Variants in DISP2 observed in about 807,000 individuals in gnomAD.
The protein encoded by DISP2 is dispatched RND transporter family member 2.
Under a neutral mutation model 95.5 loss-of-function variants are expected in DISP2, and 59 were observed. The observed-to-expected ratio is 0.62, with a 90% CI of 0.50 to 0.77. DISP2 has a LOEUF of 0.77. DISP2 is among the 30% of genes least tolerant of loss of function. DISP2 has a pLI of 0.00. For missense variants in DISP2, 1,752 were observed against 1,854.6 expected (o/e 0.94, Z 1.02); for synonymous variants, 827 against 815.0 (o/e 1.01, Z -0.25).
rs34475634 is a variant in DISP2, at chr15:40,367,078, C to T, written c.966C>T (p.Phe322=). The change falls in exon 8 of 8, where the codon TTC becomes TTT. Residue 322 remains phenylalanine (F), a synonymous_variant. Coordinates refer to ENST00000267889, the MANE Select transcript of DISP2 (RefSeq NM_033510.3). ...TACAGATCCGCTCCCATACCAGCTT[C>T]GGGGCTCTGTGCCAGCGGACAGCAG... ...EQDQIRSHTS[F]GALCQRTAAN... is the part of the protein sequence containing the mutation. 4.2e-4 allele frequency: 681 copies of T among 1,611,390 alleles called. 5 individuals are homozygous for T. Among genetic ancestry groups the T allele is most frequent in the South Asian group, 3.8e-3 (347 of 91,076 alleles).
Position 40,367,228 on chromosome 15 carries a change from C to T in DISP2, c.1116C>T (p.Ala372=), listed in dbSNP as rs543415716. 5.0e-6 allele frequency: 8 copies of T among 1,614,022 alleles called. No individual in the cohort carries two copies. In the South Asian group the frequency reaches 7.7e-5, roughly 16 times the overall value. ...CACTGGCCCTGCTTCGGACCTGTGC[C>T]CTCTACTACCACAGTGGCGCCTTGG... is the stretch of plus-strand genomic sequence containing the variant. The part of the protein sequence containing the change: ...ARTLALLRTC[A]LYYHSGALVP... Residue 372 remains alanine (A), a synonymous_variant, in exon 8 of 8, where the codon GCC becomes GCT. Coordinates refer to ENST00000267889, the MANE Select transcript of DISP2 (RefSeq NM_033510.3).
At chr15:40,364,370 G>T in intron 3 of DISP2, 51 bp from the exon 4 acceptor site, 1 of 1,613,226 alleles carries the variant, frequency 6.2e-7, no homozygotes, top group Non-Finnish European at 8.5e-7. Context: ...CCTGAGCTCA[G>T]CACCCGTTGC....
At position 40,373,039 on chromosome 15, in the gene DISP2, A is replaced by G. The variant is rs1159302150; in HGVS notation, c.*2721A>G. 2 of 152,230 alleles carry G rather than the reference A, an allele frequency of 1.3e-5. No individual in the cohort carries two copies. Among genetic ancestry groups the G allele is most frequent in the Non-Finnish European group, 2.9e-5 (2 of 68,054 alleles). The allele number at this position is 152,230 out of a possible 1,614,324, so 9.4% of individuals were successfully genotyped here. The stretch of plus-strand genomic sequence containing the variant: ...CATTACCTTATACCTAGAATGGCCC[A>G]AACCAACAGCAGGCAATCCACATCA... On this transcript the variant is annotated 3_prime_UTR_variant, in exon 8 of 8. Coordinates refer to ENST00000267889, the MANE Select transcript of DISP2 (RefSeq NM_033510.3).
At position 40,368,320 on chromosome 15, in the gene DISP2, C is replaced by T; in HGVS notation, c.2208C>T (p.Gly736=). Residue 736 remains glycine (G), a synonymous_variant, in exon 8 of 8, where the codon GGC becomes GGT. Transcript: ENST00000267889. The stretch of plus-strand genomic sequence containing the variant: ...GGCTGCCCACGCTGCCGCCGCCCGG[C>T]GGCCAGGTCTTCCGGCCCAGCCACC... ...RLRLPTLPPP[G]GQVFRPSHPF... The T allele has an allele frequency of 3.7e-6, 6 of 1,603,424 alleles. No homozygotes were observed. Among genetic ancestry groups the T allele is most frequent in the Non-Finnish European group, 5.1e-6 (6 of 1,176,626 alleles).
rs1447673694 is a variant in DISP2, at chr15:40,373,099, T to G, written c.*2781T>G. The G allele has an allele frequency of 6.6e-6, 1 of 152,204 alleles. No homozygotes were observed. The highest frequency in any genetic ancestry group is 2.4e-5 in the African/African-American group (1 of 41,432). The allele number at this position is 152,204 out of a possible 1,614,324, so 9.4% of individuals were successfully genotyped here. A position where few individuals can be genotyped will look rare whatever the true frequency, so the allele number is the denominator to read the frequency against. On this transcript the variant is annotated 3_prime_UTR_variant, in exon 8 of 8. Transcript: ENST00000267889. ...CCAGCCTGCCTCTCTAGCCCTGACT[T>G]TGGAATGTGGAACTTAAAGCACTTC... is the stretch of plus-strand genomic sequence containing the variant.
At chr15:40,364,322 G>C in intron 3 of DISP2, 67 bp downstream of exon 3, 2 of 1,613,752 alleles carry the variant, frequency 1.2e-6, no homozygotes, top group Non-Finnish European at 1.7e-6. Context: ...CCTGTTCCCC[G>C]TGCTCTCTGC....
chr15:40,359,008 C>T (rs1234383780), intron 1 of DISP2, among the ~76,000 whole-genome samples: 2 of 152,218 alleles, frequency 1.3e-5, no homozygotes, highest in African/African-American at 2.4e-5. Flanking sequence ...CTGGCTGGAG[C>T]CGCTAAGATG....
chr15:40,358,488 C>T (rs1889356021), intron 1 of DISP2, 48 bp downstream of exon 1: 1 of 1,204,708 alleles, frequency 8.3e-7, no homozygotes, highest in Non-Finnish European at 1.0e-6. Flanking sequence ...CTCCCAGACC[C>T]TCCCCGCCCC....
chr15:40,368,408 G>A lies in DISP2; in HGVS notation c.2296G>A (p.Glu766Lys), dbSNP rs1215869946. The change falls in exon 8 of 8, where the codon GAG (glutamate) becomes AAG (lysine). Residue 766 changes from glutamate (E) to lysine (K), a missense_variant. This residue lies in a region of DISP2 where 732 missense variants were observed against 714.6 expected (regional missense o/e 1.02). Transcript: ENST00000267889. The part of the protein sequence containing the change: ...LFLFEQLPQG[E>K]GGHMPVVLVW... Reference sequence around the variant, plus strand: ...CCTGTTCGAGCAGCTGCCGCAGGGCGAGGGCGGCCACATGCCCGTGGTTTT... The same window carrying A: ...CCTGTTCGAGCAGCTGCCGCAGGGCAAGGGCGGCCACATGCCCGTGGTTTT... The A allele has an allele frequency of 6.2e-7, 1 of 1,608,738 alleles. No homozygotes were observed.
rs1392711378 is a variant in DISP2 at position 40,369,673 on chromosome 15, C to T, written c.3561C>T (p.His1187=). 1.2e-6 allele frequency: 2 copies of T among 1,612,172 alleles called. No homozygotes were observed. Among genetic ancestry groups the T allele is most frequent in the Non-Finnish European group, 1.7e-6 (2 of 1,179,992 alleles). ...GCACAGCCACCAGCAAGCTGTCCCACCGGCCCTCAGTACTCTCTGAGGATC... is the reference window on the plus strand; with the variant it reads ...GCACAGCCACCAGCAAGCTGTCCCATCGGCCCTCAGTACTCTCTGAGGATC... The part of the protein sequence containing the change: ...DTSTATSKLS[H]RPSVLSEDLQ... The change falls in exon 8 of 8, where the codon CAC becomes CAT. Residue 1187 remains histidine (H), a synonymous_variant. Coordinates refer to ENST00000267889, the MANE Select transcript of DISP2 (RefSeq NM_033510.3).
At position 40,377,161 on chromosome 15, in the gene DISP2, A is replaced by G. The variant is rs1889740298; in HGVS notation, c.*6843A>G. On this transcript the variant is annotated 3_prime_UTR_variant, in exon 8 of 8. Coordinates refer to ENST00000267889, the MANE Select transcript of DISP2 (RefSeq NM_033510.3). Reference sequence around the variant, plus strand: ...AACATGGTGAAACCTCATCTCTACTAAAAATACAAAAAAATAGCTGGGCGT... The same window carrying G: ...AACATGGTGAAACCTCATCTCTACTGAAAATACAAAAAAATAGCTGGGCGT... 6.6e-6 allele frequency: 1 copy of G among 152,154 alleles called. No homozygotes were observed. Among genetic ancestry groups the G allele is most frequent in the Non-Finnish European group, 1.5e-5 (1 of 68,098 alleles). The allele number at this position is 152,154 out of a possible 1,614,324, so 9.4% of individuals were successfully genotyped here.
rs1217135330 is a variant in DISP2 at position 40,372,508 on chromosome 15, CAAGATAAGT to C, written c.*2193_*2201del. 2.0e-5 allele frequency: 3 copies of C among 152,142 alleles called. No homozygotes were observed. The highest frequency in any genetic ancestry group is 4.4e-5 in the Non-Finnish European group (3 of 68,028). The allele number at this position is 152,142 out of a possible 1,614,324, so 9.4% of individuals were successfully genotyped here. A position where few individuals can be genotyped will look rare whatever the true frequency, so the allele number is the denominator to read the frequency against. On this transcript the variant is annotated 3_prime_UTR_variant, in exon 8 of 8. Transcript: ENST00000267889. The stretch of plus-strand genomic sequence containing the variant: ...ACGGCAGGATACCTTGGCTCCTTTG[CAAGATAAGT>C]AAATCAAGATGAGTAACTCCTGACA...
At position 40,369,203 on chromosome 15, in the gene DISP2, G is replaced by A. The variant is rs772299438; in HGVS notation, c.3091G>A (p.Asp1031Asn). The change falls in exon 8 of 8, where the codon GAC becomes AAC. Residue 1031 changes from aspartate (D) to asparagine (N), a missense_variant. Physicochemically the swap from Asp to Asn is conservative, Grantham distance 23. Transcript: ENST00000267889. The part of the protein sequence containing the change: ...FLSASVGLSV[D>N]FTVNYCISYH... ...CTCTGCCTCAGTGGGCCTCTCAGTA[G>A]ACTTCACTGTCAACTACTGCATCTC... The A allele has an allele frequency of 6.2e-7, 1 of 1,613,922 alleles. No homozygotes were observed. The highest frequency in any genetic ancestry group is 1.7e-5 in the Admixed American group (1 of 60,030).
At position 40,377,284 on chromosome 15, in the gene DISP2, A is replaced by G. The variant is rs1889743098; in HGVS notation, c.*6966A>G. On this transcript the variant is annotated 3_prime_UTR_variant, in exon 8 of 8. Transcript: ENST00000267889. ...GCTTGCAGTGAGCCGAGATTGCGCC[A>G]CTGCACTCCATCCTGGGCAACAGAG... 6.6e-6 allele frequency: 1 copy of G among 151,254 alleles called. No homozygotes were observed. Among genetic ancestry groups the G allele is most frequent in the African/African-American group, 2.4e-5 (1 of 41,078 alleles). The allele number at this position is 151,254 out of a possible 1,614,324, so 9.4% of individuals were successfully genotyped here.
rs1211852512 is a variant in DISP2, at chr15:40,371,970, G to A, written c.*1652G>A. 1 of 152,176 alleles carries A rather than the reference G, an allele frequency of 6.6e-6. No homozygotes were observed. The highest frequency in any genetic ancestry group is 1.5e-5 in the Non-Finnish European group (1 of 68,024). 9.4% of individuals were successfully genotyped at this position (152,176 alleles called of 1,614,324 possible). ...ACTGGGTAACAAGAAAGGCTTTCTG[G>A]AGGAGGAAAAACTTGAGCTGGGCTT... is the stretch of plus-strand genomic sequence containing the variant. On this transcript the variant is annotated 3_prime_UTR_variant, in exon 8 of 8. Transcript: ENST00000267889.
chr15:40,367,809 G>A lies in DISP2; in HGVS notation c.1697G>A (p.Trp566Ter), dbSNP rs1889529861. 1 of 1,605,330 alleles carries A rather than the reference G, an allele frequency of 6.2e-7. No individual in the cohort carries two copies. The highest frequency in any genetic ancestry group is 8.5e-7 in the Non-Finnish European group (1 of 1,179,966). Residue 566 changes from tryptophan to a stop codon, truncating the protein, a stop_gained, in exon 8 of 8, where the codon TGG becomes TAG. Coordinates refer to ENST00000267889, the MANE Select transcript of DISP2 (RefSeq NM_033510.3). LOFTEE classifies it high-confidence loss of function. ...ANHTLIFFDL[W>*]RLSKSQLPSG... ...CACACGCTCATCTTCTTCGACCTGTGGCGCCTTAGCAAGAGCCAGCTGCCG... is the reference window on the plus strand; with the variant it reads ...CACACGCTCATCTTCTTCGACCTGTAGCGCCTTAGCAAGAGCCAGCTGCCG...
rs780729380 is a variant in DISP2 at position 40,358,466 on chromosome 15, G to A, written c.119+26G>A. The A allele has an allele frequency of 1.4e-5, 17 of 1,256,842 alleles. 1 individual carries two copies. The highest frequency in any genetic ancestry group is 1.3e-4 in the Admixed American group (3 of 23,850). The allele number at this position is 1,256,842 out of a possible 1,614,324, so 77.9% of individuals were successfully genotyped here. A position where few individuals can be genotyped will look rare whatever the true frequency, so the allele number is the denominator to read the frequency against. Reference sequence around the variant, plus strand: ...GTAGGGCGGACAGCTCCGCAGATCCGTATCACAGACCCTCCCAGACCCTCC... The same window carrying A: ...GTAGGGCGGACAGCTCCGCAGATCCATATCACAGACCCTCCCAGACCCTCC... On this transcript the variant is annotated intron_variant, in intron 1 of 7. Coordinates refer to ENST00000267889, the MANE Select transcript of DISP2 (RefSeq NM_033510.3).
chr15:40,358,496 C>T (rs1889356233), intron 1 of DISP2, 56 bp downstream of exon 1: 1 of 1,153,510 alleles, frequency 8.7e-7, no homozygotes, highest in East Asian at 3.2e-5. Flanking sequence ...CCCTCCCCGC[C>T]CCAGGTATCC....
At position 40,377,289 on chromosome 15, in the gene DISP2, A is replaced by G. The variant is rs894910961; in HGVS notation, c.*6971A>G. The G allele has an allele frequency of 6.7e-6, 1 of 150,216 alleles. No homozygotes were observed. Among genetic ancestry groups the G allele is most frequent in the Admixed American group, 6.7e-5 (1 of 14,990 alleles). 9.3% of individuals were successfully genotyped at this position (150,216 alleles called of 1,614,324 possible). A position where few individuals can be genotyped will look rare whatever the true frequency, so the allele number is the denominator to read the frequency against. On this transcript the variant is annotated 3_prime_UTR_variant, in exon 8 of 8. Transcript: ENST00000267889. ...CAGTGAGCCGAGATTGCGCCACTGC[A>G]CTCCATCCTGGGCAACAGAGTCTCA... is the stretch of plus-strand genomic sequence containing the variant.
Sources: gnomAD v4.1 joint callset for allele counts (sites outside exome capture counted in the v4.1 genomes callset) on GRCh38, gnomAD v4.1.1 for gene constraint, gnomAD v4.1.1 regional missense constraint, MANE v1.5 for transcripts, NCBI Gene and HGNC (gene_info 2026-07-23, HGNC 2026-07-21) for gene names.